Variants in WDR19 observed in about 807,000 individuals in gnomAD.
WDR19 encodes WD repeat-containing protein 19.
WDR19 carries 121 observed loss-of-function variants against 180.0 expected under a neutral mutation model. The observed-to-expected ratio is 0.67, with a 90% CI of 0.58 to 0.78. WDR19 has a LOEUF of 0.78. Ranked by LOEUF, WDR19 falls within the 30% of genes least tolerant of loss-of-function variation. The pLI is 0.00. For synonymous variants in WDR19, 497 were observed against 540.7 expected (o/e 0.92, Z 1.12); for missense variants, 1,450 against 1,640.7 (o/e 0.88, Z 2.01).
chr4:39,237,058 C>G (rs1731453657), intron 20 of WDR19, among the ~76,000 whole-genome samples: 1 of 152,094 alleles, frequency 6.6e-6, no homozygotes, highest in Admixed American at 6.5e-5. Context: ...CAACCAATTT[C>G]TTTTGACATT....
rs11096989 is a variant in WDR19, at chr4:39,275,003, A to AG, written c.3716+46dup. 0.44 allele frequency: 711,925 copies of AG among 1,603,364 alleles called. 162,061 individuals carry two copies. The highest frequency in any genetic ancestry group is 0.71 in the African/African-American group (53,359 of 74,806). ...TCTGCTATCTAATCGTATTTCTCAA[A>AG]GTATTTCCAAAAATGTAGCTGCCAG... On this transcript the variant is annotated intron_variant, in intron 33 of 36. Coordinates refer to ENST00000399820, the MANE Select transcript of WDR19 (RefSeq NM_025132.4).
At chr4:39,267,620 C>T (rs567097899) in intron 29 of WDR19, among the ~76,000 whole-genome samples, 10 of 152,148 alleles carry the variant, frequency 6.6e-5, no homozygotes, top group Non-Finnish European at 1.3e-4. Context: ...TATTTTGTTT[C>T]CAAGTACATG....
At chr4:39,212,988 C>G (rs1203883859) in intron 9 of WDR19, among the ~76,000 whole-genome samples, 1 of 152,128 alleles carries the variant, frequency 6.6e-6, no homozygotes, top group Non-Finnish European at 1.5e-5. Context: ...AAAAGATACT[C>G]AACATGATTA....
At chr4:39,234,971 T>A in intron 20 of WDR19, 96 bp downstream of exon 20, 1 of 700,188 alleles carries the variant, frequency 1.4e-6, no homozygotes, top group Non-Finnish European at 2.4e-6. Context: ...TCCATTGATT[T>A]AATAATTTTT....
At chr4:39,218,306 C>G in intron 14 of WDR19, 1 of 685,538 alleles carries the variant, frequency 1.5e-6, no homozygotes, top group Non-Finnish European at 2.4e-6. Flanking sequence ...TGGGCAATTT[C>G]ATCATTGTGT....
At position 39,206,959 on chromosome 4, in the gene WDR19, A is replaced by G. The variant is rs559800806; in HGVS notation, c.890+1223A>G. ...ACAATCTCATAATTTCACAAGGTCC[A>G]GAATAGAACCCCAAATTACTTGACA... On this transcript the variant is annotated intron_variant, in intron 9 of 36. Coordinates refer to ENST00000399820, the MANE Select transcript of WDR19 (RefSeq NM_025132.4). Among the ~76,000 whole-genome samples the G allele has an allele frequency of 5.9e-5, 9 of 152,362 alleles. No homozygotes were observed. In the East Asian group the frequency reaches 1.2e-3, roughly 20 times the overall value.
intron 9 of WDR19, among the ~76,000 whole-genome samples, chr4:39,207,628 A>G (rs1327347118): frequency 6.6e-6 from 1 of 152,254 alleles, no homozygotes; most frequent in African/African-American, 2.4e-5. Flanking sequence ...AAGCATTGTC[A>G]ACTGAAATTC....
At position 39,215,955 on chromosome 4, in the gene WDR19, C is replaced by T; in HGVS notation, c.1076C>T (p.Thr359Ile). The part of the protein sequence containing the change: ...KLPILGDACS[T>I]RIAYLTSLLE... ...CCCATACTTGGGGATGCCTGCAGCA[C>T]AAGGATTGCCTATCTCACCTCCCTC... is the stretch of plus-strand genomic sequence containing the variant. The change falls in exon 11 of 37, where the codon ACA (threonine) becomes ATA (isoleucine). Residue 359 changes from threonine to isoleucine, a missense_variant. Transcript: ENST00000399820. 6.2e-7 allele frequency: 1 copy of T among 1,613,252 alleles called. No individual in the cohort carries two copies. The highest frequency in any genetic ancestry group is 1.1e-5 in the South Asian group (1 of 90,906).
chr4:39,231,786 T>G lies in WDR19; in HGVS notation c.1983-11T>G. 6.4e-7 allele frequency: 1 copy of G among 1,573,510 alleles called. No individual in the cohort carries two copies. Among genetic ancestry groups the G allele is most frequent in the Non-Finnish European group, 8.7e-7 (1 of 1,151,718 alleles). On this transcript the variant is annotated splice_polypyrimidine_tract_variant and intron_variant, in intron 17 of 36. Transcript: ENST00000399820. Reference sequence around the variant, plus strand: ...GAACATTCTGATTAAGCTTATGTTCTTACATCCCAGGTTTTCTGATGCTTG... The same window carrying G: ...GAACATTCTGATTAAGCTTATGTTCGTACATCCCAGGTTTTCTGATGCTTG...
chr4:39,259,467 A>G lies in WDR19; in HGVS notation c.3183+1913A>G, dbSNP rs1372883285. Among the ~76,000 whole-genome samples the G allele has an allele frequency of 2.6e-5, 4 of 152,160 alleles. No homozygotes were observed. In the East Asian group the frequency reaches 7.7e-4, roughly 29 times the overall value. ...TCTTTCTGTTTCTGTGGATTTGCCT[A>G]TCCTAGACATTTTATATAAATGGAA... On this transcript the variant is annotated intron_variant, in intron 28 of 36. Transcript: ENST00000399820.
At chr4:39,231,986 T>C in intron 18 of WDR19, 30 bp downstream of exon 18, 1 of 1,596,054 alleles carries the variant, frequency 6.3e-7, no homozygotes, top group Non-Finnish European at 8.6e-7. Flanking sequence ...ATTATCAAGT[T>C]AAAATTTAAA....
chr4:39,245,438 G>C lies in WDR19; in HGVS notation c.2715G>C (p.Lys905Asn). ...PKIHLQYAKA[K>N]EADGRYKEAV... ...TCCATTTGCAGTATGCCAAAGCCAA[G>C]GAAGCAGATGGAAGGTTTGTACACT... Residue 905 changes from lysine to asparagine, a missense_variant, in exon 24 of 37, where the codon AAG becomes AAC. Coordinates refer to ENST00000399820, the MANE Select transcript of WDR19 (RefSeq NM_025132.4). 1 of 1,613,434 alleles carries C rather than the reference G, an allele frequency of 6.2e-7. No individual in the cohort carries two copies. Among genetic ancestry groups the C allele is most frequent in the Non-Finnish European group, 8.5e-7 (1 of 1,179,674 alleles).
chr4:39,198,780 A>G (rs1046159004), intron 5 of WDR19, among the ~76,000 whole-genome samples: 1 of 152,142 alleles, frequency 6.6e-6, no homozygotes, highest in African/African-American at 2.4e-5. Flanking sequence ...CAGGTGGATC[A>G]CCTGAGGTCA....
At chr4:39,269,599 A>G (rs891802670) in intron 30 of WDR19, among the ~76,000 whole-genome samples, 1 of 152,236 alleles carries the variant, frequency 6.6e-6, no homozygotes, top group Admixed American at 6.5e-5. Flanking sequence ...TAATCCCAGC[A>G]CTTTGGGAGG....
intron 30 of WDR19, among the ~76,000 whole-genome samples, chr4:39,269,485 A>C (rs1446733691): frequency 1.3e-5 from 2 of 152,222 alleles, no homozygotes; most frequent in East Asian, 3.8e-4. Context: ...AGGAAGAGTA[A>C]GACATCAAGG....
chr4:39,196,956 T>A (rs4974925), intron 5 of WDR19, among the ~76,000 whole-genome samples: 147,758 of 152,308 alleles, frequency 0.97, 71,824 homozygotes, highest in Middle Eastern at 1. Flanking sequence ...ATTAGATTCT[T>A]TGAGGGTACG....
Position 39,253,915 on chromosome 4 carries a change from A to G in WDR19, c.2886A>G (p.Leu962=). The change falls in exon 26 of 37, where the codon CTA becomes CTG. Residue 962 remains leucine, a synonymous_variant. Transcript: ENST00000399820. Reference sequence around the variant, plus strand: ...AAGTACTTTGCTTTAGGTTTTTTCTACAGCTTGGTGACTATGGGTCTGCCA... The same window carrying G: ...AAGTACTTTGCTTTAGGTTTTTTCTGCAGCTTGGTGACTATGGGTCTGCCA... ...DGAKMVARFF[L]QLGDYGSAIQ... 6.3e-7 allele frequency: 1 copy of G among 1,597,520 alleles called. No individual in the cohort carries two copies. The highest frequency in any genetic ancestry group is 1.1e-5 in the South Asian group (1 of 87,442).
intron 15 of WDR19, 144 bp from the exon 16 acceptor site, chr4:39,228,066 C>A (rs1730457122): frequency 2.5e-6 from 2 of 799,560 alleles, no homozygotes; most frequent in Non-Finnish European, 3.7e-6. Context: ...AAGAAACTTT[C>A]TTTCCTGTTG....
At chr4:39,211,790 A>T (rs1478458968) in intron 9 of WDR19, among the ~76,000 whole-genome samples, 1 of 152,218 alleles carries the variant, frequency 6.6e-6, no homozygotes, top group African/African-American at 2.4e-5. Flanking sequence ...AGAGAGATAT[A>T]CTGTGTTCAT....
Sources: allele counts gnomAD v4.1 joint callset (sites outside exome capture counted in the v4.1 genomes callset), GRCh38; gene constraint gnomAD v4.1.1; transcripts MANE v1.5; gene names NCBI Gene and HGNC (gene_info 2026-07-23, HGNC 2026-07-21).